EXOC6B: variants seen among roughly 807,000 people sequenced by gnomAD.
The protein encoded by EXOC6B is exocyst complex component 6B, also known as SEC15 homolog B.
In EXOC6B, 54 loss-of-function variants were observed where a neutral mutation model predicts 113.5. That is an observed-to-expected ratio of 0.48 (90% CI 0.38 to 0.60). The LOEUF is 0.60. Among genes scored for constraint, EXOC6B ranks in the 20% least tolerant of loss-of-function variants. The pLI, the probability that EXOC6B is intolerant of heterozygous loss-of-function variation, is 0.00. For missense variants in EXOC6B, 797 were observed against 977.5 expected, an observed-to-expected ratio of 0.82 and a Z score of 2.46; for synonymous variants, 357 against 339.0, an observed-to-expected ratio of 1.05 and a Z score of -0.58.
intron 10 of EXOC6B, 34 bp downstream of exon 10, chr2:72,514,600 A>AT (rs367736783): frequency 0.052 from 3,923 of 74,818 alleles, 71 homozygotes; most frequent in East Asian, 0.33. Context: ...ATAAATAAAT[A>AT]AATAAATATA....
intron 20 of EXOC6B, among the ~76,000 whole-genome samples, chr2:72,240,747 T>C (rs1023443501): frequency 3.3e-5 from 5 of 152,186 alleles, no homozygotes; most frequent in Non-Finnish European, 5.9e-5. Context: ...ATTTAAACCA[T>C]GTAGCATAAG....
At chr2:72,489,983 A>G (rs1475371871) in intron 16 of EXOC6B, among the ~76,000 whole-genome samples, 1 of 152,158 alleles carries the variant, frequency 6.6e-6, no homozygotes, top group Admixed American at 6.6e-5. Context: ...GTAACCCCAA[A>G]ACAAGAAGGG....
chr2:72,335,100 C>A lies in EXOC6B; in HGVS notation c.2123-80G>T, dbSNP rs542787587. 7.7e-4 allele frequency: 1,003 copies of A among 1,298,884 alleles called. 24 individuals carry two copies. In the South Asian group the frequency reaches 8.3e-3, roughly 11 times the overall value. The allele number at this position is 1,298,884 out of a possible 1,614,324, so 80.5% of individuals were successfully genotyped here. On this transcript the variant is annotated intron_variant, in intron 19 of 21. Transcript: ENST00000272427. ...ATTGGCAGACGGATGACAGGGAAGA[C>A]AAGAGAAGCTGGGGGAGAGGAGGAC... is the stretch of plus-strand genomic sequence containing the variant.
chr2:72,454,520 CAAAAAGGAATAG>C (rs1043176108), intron 18 of EXOC6B, among the ~76,000 whole-genome samples: 1 of 151,592 alleles, frequency 6.6e-6, no homozygotes, highest in African/African-American at 2.4e-5. Context: ...ACAACAACAA[CAAAAAGGAATAG>C]AAAAAGAAAA....
rs545223213 is a variant in EXOC6B, at chr2:72,750,398, C to T, written c.114-8929G>A. Among the ~76,000 whole-genome samples, 4 of 152,172 alleles carry T rather than the reference C, an allele frequency of 2.6e-5. No homozygotes were observed. In the South Asian group the frequency reaches 8.3e-4, roughly 32 times the overall value. ...TCAAACTCCTAATCACCTCTAACCA[C>T]CTCTAACCTAATCTCTCTAATCACC... On this transcript the variant is annotated intron_variant, in intron 1 of 21. Transcript: ENST00000272427.
At chr2:72,629,305 T>C (rs192541162) in intron 6 of EXOC6B, among the ~76,000 whole-genome samples, 3 of 152,332 alleles carry the variant, frequency 2.0e-5, no homozygotes, top group African/African-American at 7.2e-5. Flanking sequence ...CTTTTTTGAA[T>C]AACCACATTG....
At chr2:72,545,248 G>C (rs1009693946) in intron 8 of EXOC6B, among the ~76,000 whole-genome samples, 1 of 151,868 alleles carries the variant, frequency 6.6e-6, no homozygotes, top group African/African-American at 2.4e-5. Flanking sequence ...AGATGCACTG[G>C]CAAAAATGAT....
At chr2:72,674,041 C>A (rs10184909) in intron 6 of EXOC6B, among the ~76,000 whole-genome samples, 151,863 of 152,236 alleles carry the variant, frequency 1, 75,748 homozygotes, top group Middle Eastern at 1. Flanking sequence ...GGGGGGGTTT[C>A]ATATTTAAAA....
intron 1 of EXOC6B, among the ~76,000 whole-genome samples, chr2:72,771,326 T>C (rs896651658): frequency 1.3e-5 from 2 of 152,226 alleles, no homozygotes; most frequent in Non-Finnish European, 2.9e-5. Context: ...TTTGCCATAT[T>C]TGTTTTATCA....
chr2:72,616,103 G>C (rs1264020104), intron 6 of EXOC6B, among the ~76,000 whole-genome samples: 1 of 151,968 alleles, frequency 6.6e-6, no homozygotes, highest in East Asian at 1.9e-4. Context: ...AAATCTATAT[G>C]TTGAAAACTA....
intron 1 of EXOC6B, among the ~76,000 whole-genome samples, chr2:72,746,559 G>C (rs536125377): frequency 3.6e-4 from 55 of 152,128 alleles, no homozygotes; most frequent in African/African-American, 1.3e-3. Context: ...AATGGCACTT[G>C]AGTAATTCTG....
chr2:72,682,020 T>C (rs1553465899), intron 6 of EXOC6B, among the ~76,000 whole-genome samples: 1 of 125,622 alleles, frequency 8.0e-6, no homozygotes. Flanking sequence ...AAAAAAGAAC[T>C]AATACAATCT....
chr2:72,819,743 A>T (rs761524612), intron 1 of EXOC6B, among the ~76,000 whole-genome samples: 23 of 152,156 alleles, frequency 1.5e-4, no homozygotes, highest in Non-Finnish European at 2.6e-4. Flanking sequence ...TCTACATTGG[A>T]GGAAGAGTAT....
At chr2:72,707,701 C>G (rs374036972) in intron 6 of EXOC6B, among the ~76,000 whole-genome samples, 1 of 152,040 alleles carries the variant, frequency 6.6e-6, no homozygotes, top group Non-Finnish European at 1.5e-5. Context: ...TGTGAGCCAC[C>G]GCACCCAGCC....
intron 18 of EXOC6B, among the ~76,000 whole-genome samples, chr2:72,390,030 A>C (rs1444031999): frequency 6.6e-6 from 1 of 152,124 alleles, no homozygotes; most frequent in Admixed American, 6.5e-5. Flanking sequence ...GGTTGCAGTG[A>C]GCCGAGATCG....
intron 21 of EXOC6B, among the ~76,000 whole-genome samples, chr2:72,182,208 C>T (rs1678131502): frequency 6.6e-6 from 1 of 152,052 alleles, no homozygotes. Flanking sequence ...TCTTTACTGG[C>T]CAACGCTCCA....
intron 20 of EXOC6B, among the ~76,000 whole-genome samples, chr2:72,304,748 A>T (rs115165495): frequency 6.6e-6 from 1 of 152,182 alleles, no homozygotes; most frequent in Non-Finnish European, 1.5e-5. Flanking sequence ...GTTTTTGGTT[A>T]TATCAGTTCT....
In EXOC6B at chr2:72,334,851, C is replaced by T. The variant is rs146140262; in HGVS notation, c.2196+96G>A. On this transcript the variant is annotated intron_variant, in intron 20 of 21. Coordinates refer to ENST00000272427, the MANE Select transcript of EXOC6B (RefSeq NM_015189.3). ...TTAGGTCTCCAATGTGAATCGCCAA[C>T]GCCAATCCCCCTCCCTTCCCCTTTT... is the stretch of plus-strand genomic sequence containing the variant. The T allele has an allele frequency of 1.0e-3, 1,196 of 1,187,746 alleles. 11 individuals carry two copies. In the African/African-American group the frequency reaches 0.016, roughly 16 times the overall value. 73.6% of individuals were successfully genotyped at this position (1,187,746 alleles called of 1,614,324 possible). A position where few individuals can be genotyped will look rare whatever the true frequency, so the allele number is the denominator to read the frequency against.
rs376627293 is a variant in EXOC6B at position 72,471,837 on chromosome 2, A to G, written c.1801-6498T>C. ...AAAGGCAGTCAACCTTTTCCCATTC[A>G]GGATGGTGTTAGTTGTGGGTCTGCT... On this transcript the variant is annotated intron_variant, in intron 17 of 21. Transcript: ENST00000272427. Among the ~76,000 whole-genome samples the G allele has an allele frequency of 3.3e-5, 5 of 152,306 alleles. No homozygotes were observed. In the East Asian group the frequency reaches 9.6e-4, roughly 29 times the overall value.
Sources: gnomAD v4.1 joint callset for allele counts (sites outside exome capture counted in the v4.1 genomes callset) on GRCh38, gnomAD v4.1.1 for gene constraint, MANE v1.5 for transcripts, NCBI Gene and HGNC (gene_info 2026-07-23, HGNC 2026-07-21) for gene names.